PUDP: variants seen among roughly 807,000 people sequenced by gnomAD.
PUDP encodes the protein pseudouridine 5'-phosphatase, also known as pseudouridine-5'-phosphatase.
A neutral mutation model predicts 9.4 loss-of-function variants in PUDP; 8 were observed. That is an observed-to-expected ratio of 0.85 (90% CI 0.50 to 1.53). The LOEUF (loss-of-function observed/expected upper bound fraction) is 1.53. Ranked by LOEUF, PUDP falls within the 40% of genes most tolerant of loss-of-function variation. The probability of loss-of-function intolerance (pLI) is 0.00; values close to 1 mark genes in which losing one functional copy is unlikely to be tolerated. For missense variants in PUDP, 188 were observed against 189.7 expected (o/e 0.99, Z 0.05); for synonymous variants, 99 against 80.7 (o/e 1.23, Z -1.22).
chrX:6,903,627 C>T (rs900532093), intron 3 of PUDP, among the ~76,000 whole-genome samples: 1 of 111,279 alleles, frequency 9.0e-6, no homozygotes. Flanking sequence ...AATGAATTCA[C>T]GTCCTTTACG....
chrX:6,786,202 C>A (rs1925644469), intron 3 of PUDP, among the ~76,000 whole-genome samples: 1 of 111,796 alleles, frequency 8.9e-6, no homozygotes, highest in Admixed American at 9.5e-5. Flanking sequence ...AGGTGCCCAA[C>A]AGAATGCCTG....
At chrX:6,892,127 A>G (rs1195051797) in intron 3 of PUDP, among the ~76,000 whole-genome samples, 1 of 112,247 alleles carries the variant, frequency 8.9e-6, no homozygotes, top group East Asian at 2.8e-4. Flanking sequence ...CAACAAATGC[A>G]TTTTTTAGAA....
At chrX:6,829,973 G>GA (rs770950595) in intron 3 of PUDP, among the ~76,000 whole-genome samples, 11 of 110,396 alleles carry the variant, frequency 1.0e-4, no homozygotes, top group Non-Finnish European at 2.1e-4. Context: ...AACATTAATT[G>GA]AAAAATAATC....
At chrX:7,042,522 T>C (rs1438557010) in intron 1 of PUDP, among the ~76,000 whole-genome samples, 4 of 111,980 alleles carry the variant, frequency 3.6e-5, no homozygotes, top group East Asian at 5.6e-4. Flanking sequence ...TGAGATTTCA[T>C]TGAAGAACCA....
At chrX:6,920,818 A>G (rs1928010572) in intron 3 of PUDP, among the ~76,000 whole-genome samples, 1 of 111,973 alleles carries the variant, frequency 8.9e-6, no homozygotes, top group Non-Finnish European at 1.9e-5. Context: ...ATGGACTCAC[A>G]TCTTCAACCT....
intron 3 of PUDP, among the ~76,000 whole-genome samples, chrX:7,064,512 C>T (rs910195934): frequency 1.8e-5 from 2 of 111,026 alleles, no homozygotes; most frequent in African/African-American, 6.6e-5. Context: ...TGTCCCCCTC[C>T]TCGCTCCTAT....
At chrX:7,020,626 G>A (rs1929619846) in intron 1 of PUDP, among the ~76,000 whole-genome samples, 1 of 112,309 alleles carries the variant, frequency 8.9e-6, no homozygotes, top group Admixed American at 9.4e-5. Flanking sequence ...TTAAGATGAT[G>A]TATTCATTTT....
intron 2 of PUDP, among the ~76,000 whole-genome samples, chrX:7,091,015 C>T (rs1444598883): frequency 8.9e-6 from 1 of 111,999 alleles, no homozygotes; most frequent in Non-Finnish European, 1.9e-5. Context: ...GATGACTTTG[C>T]AGAGTTTTAC....
intron 3 of PUDP, among the ~76,000 whole-genome samples, chrX:6,887,369 A>G (rs975661206): frequency 9.1e-6 from 1 of 109,453 alleles, no homozygotes; most frequent in Non-Finnish European, 1.9e-5. Context: ...TTTTATTTTA[A>G]TGGTAGAAAT....
chrX:6,835,935 T>C (rs1019137645), intron 3 of PUDP, among the ~76,000 whole-genome samples: 1 of 109,704 alleles, frequency 9.1e-6, no homozygotes, highest in Non-Finnish European at 1.9e-5. Context: ...GCCTGGCTGG[T>C]CTAGAACTCC....
chrX:6,928,754 CG>C (rs980069875), intron 3 of PUDP, among the ~76,000 whole-genome samples: 1 of 110,697 alleles, frequency 9.0e-6, no homozygotes, highest in Non-Finnish European at 1.9e-5. Context: ...AAAAATTAGC[CG>C]GGTGTGGTGT....
intron 3 of PUDP, among the ~76,000 whole-genome samples, chrX:6,738,613 C>T (rs1478838910): frequency 9.0e-6 from 1 of 111,525 alleles, no homozygotes; most frequent in Non-Finnish European, 1.9e-5. Flanking sequence ...TTATTCTTTC[C>T]CTAGGGACAT....
At chrX:6,910,243 G>C (rs1454362118) in intron 3 of PUDP, among the ~76,000 whole-genome samples, 1 of 111,901 alleles carries the variant, frequency 8.9e-6, no homozygotes, top group Non-Finnish European at 1.9e-5. Flanking sequence ...GCTCAGCCTG[G>C]GATTAATGCA....
At chrX:7,005,425 T>A (rs1369101646) in intron 1 of PUDP, among the ~76,000 whole-genome samples, 1 of 109,015 alleles carries the variant, frequency 9.2e-6, no homozygotes, top group African/African-American at 3.4e-5. Flanking sequence ...TATTATTATT[T>A]TGGAGACAGG....
intron 3 of PUDP, among the ~76,000 whole-genome samples, chrX:6,751,185 GA>G (rs1190404725): frequency 9.1e-6 from 1 of 110,286 alleles, no homozygotes; most frequent in Non-Finnish European, 1.9e-5. Flanking sequence ...AAGAAAAAAA[GA>G]AAGAAAGAAA....
intron 1 of PUDP, among the ~76,000 whole-genome samples, chrX:7,024,754 C>CTTTTT (rs55692944): frequency 1.8e-5 from 1 of 54,441 alleles, no homozygotes; most frequent in Admixed American, 2.1e-4. Context: ...GCCCGGCTAA[C>CTTTTT]TTTTTTTTTT....
At chrX:7,104,688 G>A (rs776573622) in intron 2 of PUDP, among the ~76,000 whole-genome samples, 3 of 111,525 alleles carry the variant, frequency 2.7e-5, no homozygotes, top group African/African-American at 9.8e-5. Context: ...CACGATGCTC[G>A]TACCCATGCC....
At chrX:6,816,336 G>A (rs892498877) in intron 3 of PUDP, among the ~76,000 whole-genome samples, 46 of 102,880 alleles carry the variant, frequency 4.5e-4, no homozygotes, top group Admixed American at 1.7e-3. Flanking sequence ...TATGTGACAC[G>A]TATGTATTTT....
chrX:7,091,569 G>C (rs1022377859), intron 2 of PUDP, among the ~76,000 whole-genome samples: 2 of 110,251 alleles, frequency 1.8e-5, no homozygotes, highest in Non-Finnish European at 3.8e-5. Context: ...TCGAACTCCT[G>C]ACCTCAAGTG....
Sources: allele counts gnomAD v4.1 joint callset (sites outside exome capture counted in the v4.1 genomes callset), GRCh38; gene constraint gnomAD v4.1.1; transcripts MANE v1.5; gene names NCBI Gene and HGNC (gene_info 2026-07-23, HGNC 2026-07-21).